The following FMO3 variants were observed in gnomAD, a reference collection of about 807,000 sequenced individuals.
The protein encoded by FMO3 is flavin containing dimethylaniline monoxygenase 3.
FMO3 carries 40 observed loss-of-function variants against 39.4 expected under a neutral mutation model. The observed-to-expected ratio is 1.02, with a 90% CI of 0.79 to 1.32. FMO3 has a LOEUF of 1.32. Ranked by LOEUF, FMO3 falls within the 40% of genes most tolerant of loss-of-function variation. FMO3 has a pLI of 0.00. For synonymous variants in FMO3, 219 were observed against 228.8 expected, an observed-to-expected ratio of 0.96 and a Z score of 0.39; for missense variants, 680 against 651.8, an observed-to-expected ratio of 1.04 and a Z score of -0.47.
chr1:171,113,725 TTA>T, intron 6 of FMO3, among the ~76,000 whole-genome samples: 1 of 152,272 alleles, frequency 6.6e-6, no homozygotes, highest in South Asian at 2.1e-4. Context: ...GAAACAGGCT[TTA>T]ACAGGGAACT....
intron 2 of FMO3, among the ~76,000 whole-genome samples, chr1:171,097,193 T>A (rs1226935825): frequency 6.9e-6 from 1 of 144,874 alleles, no homozygotes; most frequent in Non-Finnish European, 1.5e-5. Flanking sequence ...TCTATCATTG[T>A]TGGACATTTG....
intron 2 of FMO3, among the ~76,000 whole-genome samples, chr1:171,096,302 T>G (rs1248858614): frequency 1.1e-5 from 1 of 93,508 alleles, no homozygotes; most frequent in Non-Finnish European, 1.8e-5. Flanking sequence ...CTATTATATA[T>G]CATATATAAT....
In FMO3 at chr1:171,096,589, A is replaced by G. The variant is rs564369824; in HGVS notation, c.132+3799A>G. On this transcript the variant is annotated intron_variant, in intron 2 of 8. Transcript: ENST00000367755. ...ATACATACTATACTTTATATATTAA[A>G]TACATAATATACTTTATATATTAAA... Among the ~76,000 whole-genome samples the G allele has an allele frequency of 1.9e-3, 228 of 120,694 alleles. 3 individuals carry two copies. The highest frequency in any genetic ancestry group is 7.3e-3 in the African/African-American group (218 of 29,666). 79.2% of individuals were successfully genotyped at this position (120,694 alleles called of 152,430 possible). A position where few individuals can be genotyped will look rare whatever the true frequency, so the allele number is the denominator to read the frequency against.
At chr1:171,096,626 C>T (rs1450559077) in intron 2 of FMO3, among the ~76,000 whole-genome samples, 18,171 of 101,062 alleles carry the variant, frequency 0.18, 2,489 homozygotes, top group African/African-American at 0.27. Context: ...ACATAATATA[C>T]TTTATATATT....
chr1:171,100,265 G>A (rs1001287866), intron 2 of FMO3: 10 of 152,204 alleles, frequency 6.6e-5, no homozygotes, highest in African/African-American at 2.4e-4. Flanking sequence ...TGGCAGCATA[G>A]GTTGATAAAA....
chr1:171,108,029 T>C (rs1411825065), intron 4 of FMO3, 50 bp from the exon 5 acceptor site: 2 of 1,602,778 alleles, frequency 1.2e-6, no homozygotes, highest in East Asian at 2.2e-5. Flanking sequence ...TTAAAGTCTT[T>C]GTTTAAATAT....
chr1:171,096,873 T>C (rs1055937893), intron 2 of FMO3, among the ~76,000 whole-genome samples: 13 of 151,006 alleles, frequency 8.6e-5, no homozygotes, highest in South Asian at 2.1e-4. Flanking sequence ...ATGTGCCATG[T>C]TGGTGTGCGG....
chr1:171,095,170 T>C (rs1242976329), intron 2 of FMO3, among the ~76,000 whole-genome samples: 1 of 152,174 alleles, frequency 6.6e-6, no homozygotes, highest in African/African-American at 2.4e-5. Flanking sequence ...ATTTTTCCAT[T>C]GTTGTTGGCT....
chr1:171,111,651 T>C (rs931837336), intron 6 of FMO3, among the ~76,000 whole-genome samples: 8 of 152,160 alleles, frequency 5.3e-5, no homozygotes, highest in African/African-American at 1.9e-4. Flanking sequence ...TCTTCTCCTA[T>C]AACGTCCTCC....
chr1:171,098,154 C>A (rs2101901402), intron 2 of FMO3, among the ~76,000 whole-genome samples: 1 of 152,250 alleles, frequency 6.6e-6, no homozygotes, highest in Admixed American at 6.5e-5. Context: ...GTTTATATCT[C>A]TGTTTTGGTA....
At chr1:171,094,543 C>G (rs1453201244) in intron 2 of FMO3, among the ~76,000 whole-genome samples, 1 of 151,918 alleles carries the variant, frequency 6.6e-6, no homozygotes, top group Non-Finnish European at 1.5e-5. Context: ...AGAGTTTTAC[C>G]TATTTTTTTC....
intron 8 of FMO3, among the ~76,000 whole-genome samples, chr1:171,116,773 A>G (rs1471236347): frequency 1.3e-5 from 2 of 152,236 alleles, no homozygotes; most frequent in Non-Finnish European, 2.9e-5. Flanking sequence ...ATGAACTATT[A>G]TAGAAGGGTC....
intron 3 of FMO3, among the ~76,000 whole-genome samples, chr1:171,107,120 G>T (rs1415669110): frequency 6.6e-6 from 1 of 152,092 alleles, no homozygotes; most frequent in Non-Finnish European, 1.5e-5. Context: ...ACACCAACAG[G>T]CAGCCATTTA....
chr1:171,111,200 C>T (rs1234277234), intron 6 of FMO3, among the ~76,000 whole-genome samples: 2 of 152,208 alleles, frequency 1.3e-5, no homozygotes, highest in Middle Eastern at 6.8e-3. Context: ...TTATATAATG[C>T]CTCAGGAATT....
intron 2 of FMO3, among the ~76,000 whole-genome samples, chr1:171,097,053 T>A (rs1385871755): frequency 6.0e-5 from 9 of 150,732 alleles, no homozygotes; most frequent in Non-Finnish European, 8.8e-5. Flanking sequence ...TGGTTTTTTG[T>A]CCTTGTGATA....
At position 171,108,231 on chromosome 1, in the gene FMO3, C is replaced by G. The variant is rs2066534; in HGVS notation, c.627+10C>G. ...CCGCACAGCAGAACAGGTACTACTC[C>G]CCGGGTACTCGGGTGACTCTCGTTA... On this transcript the variant is annotated intron_variant, in intron 5 of 8. Coordinates refer to ENST00000367755, the MANE Select transcript of FMO3 (RefSeq NM_001002294.3). The G allele has an allele frequency of 0.22, 349,466 of 1,613,030 alleles. 39,561 individuals are homozygous for G. Among genetic ancestry groups the G allele is most frequent in the South Asian group, 0.29 (26,109 of 91,052 alleles).
intron 5 of FMO3, among the ~76,000 whole-genome samples, chr1:171,110,081 G>A (rs1213107364): frequency 6.6e-6 from 1 of 152,150 alleles, no homozygotes; most frequent in East Asian, 1.9e-4. Flanking sequence ...ATTTGATGAG[G>A]CAAATTCGAT....
chr1:171,101,879 G>A (rs1571211736), intron 2 of FMO3: 1 of 373,384 alleles, frequency 2.7e-6, no homozygotes, highest in East Asian at 8.3e-5. Context: ...TATGAATAGT[G>A]GCTTTCTTCT....
intron 7 of FMO3, among the ~76,000 whole-genome samples, chr1:171,115,702 T>C (rs1054056263): frequency 6.6e-6 from 1 of 152,200 alleles, no homozygotes; most frequent in Non-Finnish European, 1.5e-5. Flanking sequence ...AAGTCAGATC[T>C]AGTCTCCTGG....
Sources: gnomAD v4.1 joint callset for allele counts (sites outside exome capture counted in the v4.1 genomes callset) on GRCh38, gnomAD v4.1.1 for gene constraint, MANE v1.5 for transcripts, NCBI Gene and HGNC (gene_info 2026-07-23, HGNC 2026-07-21) for gene names.